RNF126: variants seen among roughly 807,000 people sequenced by gnomAD.
RNF126 encodes the protein ring finger protein 126, also known as E3 ubiquitin-protein ligase RNF126.
Under a neutral mutation model 41.9 loss-of-function variants are expected in RNF126, and 20 were observed. The ratio of observed to expected loss-of-function variants is 0.48; its 90% CI spans 0.34 to 0.69. RNF126 has a LOEUF of 0.69. Among genes scored for constraint, RNF126 ranks in the 30% least tolerant of loss-of-function variants. The probability of loss-of-function intolerance (pLI) is 0.01; values close to 1 mark genes in which losing one functional copy is unlikely to be tolerated. For missense variants in RNF126, 433 were observed against 460.6 expected (o/e 0.94, Z 0.55); for synonymous variants, 239 against 202.9 (o/e 1.18, Z -1.51).
chr19:652,664 C>G (rs759915453), intron 2 of RNF126, 162 bp downstream of exon 2: 1 of 670,656 alleles, frequency 1.5e-6, no homozygotes, highest in Non-Finnish European at 2.6e-6. Context: ...CAGAAGAGAA[C>G]GGCACGCTGC....
intron 1 of RNF126, among the ~76,000 whole-genome samples, chr19:661,161 G>A (rs772904692): frequency 1.8e-4 from 27 of 152,342 alleles, no homozygotes; most frequent in African/African-American, 6.0e-4. Context: ...AAGGTCCTCC[G>A]TGTCCAAGGC....
intron 3 of RNF126, 113 bp from the exon 4 acceptor site, chr19:651,968 T>G (rs1600632624): frequency 3.0e-6 from 3 of 984,526 alleles, no homozygotes; most frequent in East Asian, 2.7e-5. Context: ...GGGTGCCGGG[T>G]GGGAGGGAGA....
intron 1 of RNF126, among the ~76,000 whole-genome samples, chr19:653,496 C>T (rs1044611339): frequency 2.0e-5 from 3 of 152,244 alleles, no homozygotes; most frequent in African/African-American, 4.8e-5. Flanking sequence ...CAGCCTCAAG[C>T]CACAGCTGTG....
intron 1 of RNF126, among the ~76,000 whole-genome samples, chr19:658,317 T>C (rs1010852620): frequency 6.6e-6 from 1 of 151,798 alleles, no homozygotes; most frequent in Non-Finnish European, 1.5e-5. Context: ...GCCAGGCGCA[T>C]GGAGGGGAGT....
chr19:655,841 C>T lies in RNF126; in HGVS notation c.76-2957G>A, dbSNP rs745478248. 1.8e-4 allele frequency among the ~76,000 whole-genome samples: 28 copies of T among 152,276 alleles called. 1 individual carries two copies. The highest frequency in any genetic ancestry group is 1.3e-3 in the East Asian group (7 of 5,186). ...TGTCCACCCGCACCTCAGAGCACGA[C>T]TCAACCATGGAAAGGGGCAAGGCCC... On this transcript the variant is annotated intron_variant, in intron 1 of 8. Transcript: ENST00000292363.
chr19:650,390 GC>G, intron 4 of RNF126, 94 bp from the exon 5 acceptor site: 3 of 1,007,818 alleles, frequency 3.0e-6, no homozygotes, highest in Non-Finnish European at 4.4e-6. Context: ...CAAGGGCAGG[GC>G]CAGCATCAGC....
intron 2 of RNF126, 159 bp from the exon 3 acceptor site, chr19:652,455 G>A: frequency 1.5e-6 from 1 of 667,356 alleles, no homozygotes; most frequent in Non-Finnish European, 2.5e-6. Context: ...ACCCGCTGCT[G>A]CTTCCCTCGC....
chr19:649,674 T>C lies in RNF126; in HGVS notation c.576+5A>G, dbSNP rs763711395. On this transcript the variant is annotated splice_donor_5th_base_variant and intron_variant, in intron 6 of 8. Coordinates refer to ENST00000292363, the MANE Select transcript of RNF126 (RefSeq NM_194460.3). The stretch of plus-strand genomic sequence containing the variant: ...CAGGCACTCTGGGCCGTGGCCACGC[T>C]GTACCTGTGTGATGATGGCATCCAG... 2.6e-6 allele frequency: 4 copies of C among 1,560,642 alleles called. No individual in the cohort carries two copies. The highest frequency in any genetic ancestry group is 1.2e-5 in the South Asian group (1 of 85,246).
rs2030689153 is a variant in RNF126, at chr19:659,200, C to A, written c.75+3847G>T. On this transcript the variant is annotated intron_variant, in intron 1 of 8. Transcript: ENST00000292363. This position sits in a 1 kb window ranked among gnomAD's most constrained non-coding sequence, Gnocchi z 4.9. Reference sequence around the variant, plus strand: ...ACACAGAGCAAGCAGCGGCCAGAGACAGACCCAGGCCGTCTTCTGAAGACT... The same window carrying A: ...ACACAGAGCAAGCAGCGGCCAGAGAAAGACCCAGGCCGTCTTCTGAAGACT... Among the ~76,000 whole-genome samples, 1 of 152,148 alleles carries A rather than the reference C, an allele frequency of 6.6e-6. No individual in the cohort carries two copies. Among genetic ancestry groups the A allele is most frequent in the Admixed American group, 6.5e-5 (1 of 15,278 alleles).
At chr19:656,515 G>A (rs760938355) in intron 1 of RNF126, among the ~76,000 whole-genome samples, 13 of 152,086 alleles carry the variant, frequency 8.5e-5, no homozygotes, top group Non-Finnish European at 1.3e-4. Context: ...TGGGCACGGT[G>A]GTGGGTGCCT....
At chr19:658,399 G>A (rs1352880257) in intron 1 of RNF126, among the ~76,000 whole-genome samples, 4 of 152,098 alleles carry the variant, frequency 2.6e-5, no homozygotes, top group Admixed American at 6.5e-5. Context: ...ACAGTGACTC[G>A]GCCCCTGTGG....
At chr19:655,966 C>T (rs1375343866) in intron 1 of RNF126, among the ~76,000 whole-genome samples, 1 of 151,856 alleles carries the variant, frequency 6.6e-6, no homozygotes, top group African/African-American at 2.4e-5. Flanking sequence ...TGTGATCCCA[C>T]GTCTATGAAA....
At chr19:660,045 G>A (rs887779076) in intron 1 of RNF126, among the ~76,000 whole-genome samples, 7 of 152,214 alleles carry the variant, frequency 4.6e-5, no homozygotes, top group African/African-American at 1.2e-4. Flanking sequence ...GACCACAGGC[G>A]TGAGCCACCG....
chr19:655,565 A>T (rs1353873402), intron 1 of RNF126, among the ~76,000 whole-genome samples: 2 of 152,082 alleles, frequency 1.3e-5, no homozygotes, highest in Non-Finnish European at 2.9e-5. Flanking sequence ...GCAGCCGGCC[A>T]GCCCCAGCGA....
chr19:661,961 C>T (rs886279826), intron 1 of RNF126, among the ~76,000 whole-genome samples: 4 of 152,120 alleles, frequency 2.6e-5, no homozygotes, highest in Non-Finnish European at 5.9e-5. Context: ...ATCTATAAAG[C>T]ACGGGTGGCT....
At chr19:662,670 C>T (rs2030858172) in intron 1 of RNF126, among the ~76,000 whole-genome samples, 2 of 152,160 alleles carry the variant, frequency 1.3e-5, no homozygotes, top group African/African-American at 2.4e-5. Context: ...CCTCTCTCTG[C>T]TCGCCGGGCC....
At position 652,817 on chromosome 19, in the gene RNF126, C is replaced by T. The variant is rs1331202530; in HGVS notation, c.134+9G>A. On this transcript the variant is annotated intron_variant, in intron 2 of 8. Coordinates refer to ENST00000292363, the MANE Select transcript of RNF126 (RefSeq NM_194460.3). ...CTCTTCCAGCCTCTTCAACAGGGGGCTGCATTACCTGGTCTCTTCCGGAAG... is the reference window on the plus strand; with the variant it reads ...CTCTTCCAGCCTCTTCAACAGGGGGTTGCATTACCTGGTCTCTTCCGGAAG... The T allele has an allele frequency of 2.5e-6, 4 of 1,612,288 alleles. No homozygotes were observed. Among genetic ancestry groups the T allele is most frequent in the East Asian group, 4.5e-5 (2 of 44,888 alleles).
rs533374400 is a variant in RNF126, at chr19:653,009, G to A, written c.76-125C>T. 6 of 891,844 alleles carry A rather than the reference G, an allele frequency of 6.7e-6. No homozygotes were observed. The African/African-American group carries it at 9.9e-5, about 15-fold the overall frequency. The allele number at this position is 891,844 out of a possible 1,614,324, so 55.2% of individuals were successfully genotyped here. A position where few individuals can be genotyped will look rare whatever the true frequency, so the allele number is the denominator to read the frequency against. On this transcript the variant is annotated intron_variant, in intron 1 of 8. Coordinates refer to ENST00000292363, the MANE Select transcript of RNF126 (RefSeq NM_194460.3). Reference sequence around the variant, plus strand: ...GGCTGGCCAGGCACACGCAGGCCAGGGTGGCTCCCAACCCGTGGGTCCTGG... The same window carrying A: ...GGCTGGCCAGGCACACGCAGGCCAGAGTGGCTCCCAACCCGTGGGTCCTGG...
At position 655,881 on chromosome 19, in the gene RNF126, CG is replaced by C. The variant is rs978838995; in HGVS notation, c.76-2998del. ...GGGCAAGGCCCAGACCAGGCCACGG[CG>C]GGGGGGAGGGGGGATTGCATCTTGA... is the stretch of plus-strand genomic sequence containing the variant. On this transcript the variant is annotated intron_variant, in intron 1 of 8. Transcript: ENST00000292363. 2.1e-3 allele frequency among the ~76,000 whole-genome samples: 315 copies of C among 151,862 alleles called. 6 individuals carry two copies. Among genetic ancestry groups the C allele is most frequent in the Non-Finnish European group, 3.7e-4 (25 of 67,932 alleles).
Sources: gnomAD v4.1 joint callset for allele counts (sites outside exome capture counted in the v4.1 genomes callset) on GRCh38, gnomAD v4.1.1 for gene constraint, Gnocchi (gnomAD v3.1) non-coding constraint, MANE v1.5 for transcripts, NCBI Gene and HGNC (gene_info 2026-07-23, HGNC 2026-07-21) for gene names.